Variants in COL19A1 observed in about 807,000 individuals in gnomAD.
COL19A1 encodes collagen type XIX alpha 1 chain, also known as collagen alpha-1(XIX) chain.
Under a neutral mutation model 190.2 loss-of-function variants are expected in COL19A1, and 159 were observed. The ratio of observed to expected loss-of-function variants is 0.84; its 90% CI spans 0.73 to 0.95. The LOEUF (loss-of-function observed/expected upper bound fraction) is 0.95. COL19A1 is among the 40% of genes least tolerant of loss of function. The pLI is 0.00. For missense variants in COL19A1, 1,418 were observed against 1,431.9 expected, an observed-to-expected ratio of 0.99 and a Z score of 0.16; for synonymous variants, 509 against 458.9, an observed-to-expected ratio of 1.11 and a Z score of -1.39.
intron 11 of COL19A1, among the ~76,000 whole-genome samples, chr6:69,991,646 G>A (rs1325990418): frequency 6.6e-6 from 1 of 152,040 alleles, no homozygotes; most frequent in African/African-American, 2.4e-5. Flanking sequence ...GAGTGGTGTT[G>A]AGCATTTTTT....
At chr6:70,113,629 CA>C (rs377502526) in intron 16 of COL19A1, among the ~76,000 whole-genome samples, 6 of 152,234 alleles carry the variant, frequency 3.9e-5, no homozygotes, top group African/African-American at 1.2e-4. Context: ...ATTGAAACCT[CA>C]AAAGTTATTT....
At chr6:70,021,508 A>G (rs117799464) in intron 11 of COL19A1, among the ~76,000 whole-genome samples, 2,044 of 152,248 alleles carry the variant, frequency 0.013, 25 homozygotes, top group Admixed American at 0.021. Flanking sequence ...AAAAATTTCT[A>G]TTCACTCTAA....
At chr6:70,035,224 A>G (rs1240176164) in intron 13 of COL19A1, among the ~76,000 whole-genome samples, 1 of 152,238 alleles carries the variant, frequency 6.6e-6, no homozygotes, top group Non-Finnish European at 1.5e-5. Flanking sequence ...TAAGAAATAA[A>G]TAAAGTTCCT....
At chr6:70,127,380 A>C (rs956263722) in intron 17 of COL19A1, among the ~76,000 whole-genome samples, 1 of 152,176 alleles carries the variant, frequency 6.6e-6, no homozygotes, top group Non-Finnish European at 1.5e-5. Context: ...GGATTGTAAA[A>C]GGCCAGTTAG....
intron 14 of COL19A1, among the ~76,000 whole-genome samples, chr6:70,036,935 G>A (rs1320000422): frequency 6.6e-6 from 1 of 151,950 alleles, no homozygotes; most frequent in Non-Finnish European, 1.5e-5. Flanking sequence ...CATTAATAAT[G>A]TCTTACACAA....
At chr6:70,072,841 G>A (rs2150154927) in intron 15 of COL19A1, among the ~76,000 whole-genome samples, 1 of 152,222 alleles carries the variant, frequency 6.6e-6, no homozygotes, top group Admixed American at 6.6e-5. Flanking sequence ...TGAGCTGGGA[G>A]CCTACAAAAG....
chr6:69,867,419 C>A lies in COL19A1; in HGVS notation c.-33+779C>A. The A allele has an allele frequency of 2.6e-5, 4 of 153,974 alleles. No individual in the cohort carries two copies. The South Asian group carries it at 7.2e-4, about 28-fold the overall frequency. The allele number at this position is 153,974 out of a possible 1,614,324, so 9.5% of individuals were successfully genotyped here. On this transcript the variant is annotated intron_variant, in intron 1 of 50. Transcript: ENST00000620364. ...GCCGCCGCCGCCGGAACGTCCCAGT[C>A]GCGGCGCGAGGAAGACGCGGCCCCA... is the stretch of plus-strand genomic sequence containing the variant.
intron 34 of COL19A1, among the ~76,000 whole-genome samples, chr6:70,159,276 G>C (rs1004760190): frequency 1.3e-5 from 2 of 151,990 alleles, no homozygotes; most frequent in African/African-American, 2.4e-5. Context: ...CAGTCATTTA[G>C]AGGTGCCATT....
chr6:69,878,918 GA>G (rs1217673489), intron 1 of COL19A1, among the ~76,000 whole-genome samples: 10 of 152,056 alleles, frequency 6.6e-5, no homozygotes, highest in Admixed American at 3.9e-4. Flanking sequence ...GAACCTTTAG[GA>G]CATATGTTAA....
intron 4 of COL19A1, among the ~76,000 whole-genome samples, chr6:69,914,011 A>G (rs1046953285): frequency 6.6e-6 from 1 of 151,796 alleles, no homozygotes; most frequent in Non-Finnish European, 1.5e-5. Context: ...ACTAACCTTC[A>G]ATGTATCCTC....
intron 16 of COL19A1, among the ~76,000 whole-genome samples, chr6:70,113,588 C>T (rs1029804770): frequency 3.3e-5 from 5 of 152,090 alleles, no homozygotes; most frequent in South Asian, 2.1e-4. Flanking sequence ...ATCTTATAAG[C>T]GCGAAGGCTC....
At chr6:70,117,513 T>C (rs1784645482) in intron 16 of COL19A1, among the ~76,000 whole-genome samples, 1 of 152,220 alleles carries the variant, frequency 6.6e-6, no homozygotes, top group South Asian at 2.1e-4. Context: ...CTAGAACTAT[T>C]GCTGAGAGTA....
At chr6:70,070,406 G>A (rs964230652) in intron 15 of COL19A1, among the ~76,000 whole-genome samples, 1 of 151,972 alleles carries the variant, frequency 6.6e-6, no homozygotes, top group Non-Finnish European at 1.5e-5. Context: ...CTTCTATCAA[G>A]AGTAACATAA....
At chr6:70,201,359 G>A (rs1767540389) in intron 49 of COL19A1, among the ~76,000 whole-genome samples, 1 of 152,166 alleles carries the variant, frequency 6.6e-6, no homozygotes, top group Non-Finnish European at 1.5e-5. Flanking sequence ...TAAACCCACA[G>A]TGTCAGTGAA....
intron 17 of COL19A1, among the ~76,000 whole-genome samples, chr6:70,125,465 GC>G (rs1785140269): frequency 6.6e-6 from 1 of 152,006 alleles, no homozygotes; most frequent in Non-Finnish European, 1.5e-5. Context: ...TTGCCCTCTG[GC>G]CCCCATATAG....
chr6:70,116,504 T>C (rs937257187), intron 16 of COL19A1, among the ~76,000 whole-genome samples: 1 of 152,206 alleles, frequency 6.6e-6, no homozygotes, highest in Non-Finnish European at 1.5e-5. Context: ...ATACTCAATG[T>C]AAATGTGCTT....
At chr6:70,044,361 T>G (rs1779795317) in intron 14 of COL19A1, among the ~76,000 whole-genome samples, 1 of 152,242 alleles carries the variant, frequency 6.6e-6, no homozygotes, top group African/African-American at 2.4e-5. Context: ...AAGAAGTTTT[T>G]CTTTGCATTC....
chr6:70,006,073 C>T (rs558821715), intron 11 of COL19A1, among the ~76,000 whole-genome samples: 1 of 152,238 alleles, frequency 6.6e-6, no homozygotes, highest in South Asian at 2.1e-4. Flanking sequence ...AGCCCTTCCC[C>T]CACCCAAGGA....
intron 9 of COL19A1, among the ~76,000 whole-genome samples, chr6:69,950,736 C>T (rs1374586932): frequency 6.6e-6 from 1 of 150,852 alleles, no homozygotes; most frequent in Non-Finnish European, 1.5e-5. Flanking sequence ...CTTGCATCCT[C>T]ATGGTATGAA....
Sources: allele counts gnomAD v4.1 joint callset (sites outside exome capture counted in the v4.1 genomes callset), GRCh38; gene constraint gnomAD v4.1.1; transcripts MANE v1.5; gene names NCBI Gene and HGNC (gene_info 2026-07-23, HGNC 2026-07-21).